Variants in DST observed in about 807,000 individuals in gnomAD.
DST encodes bullous pemphigoid antigen.
DST carries 253 observed loss-of-function variants against 875.2 expected under a neutral mutation model. That is an observed-to-expected ratio of 0.29 (90% CI 0.26 to 0.32). The LOEUF is 0.32. DST is among the 10% of genes least tolerant of loss of function. DST has a pLI of 1.00. For missense variants in DST, 8,287 were observed against 9,111.6 expected (o/e 0.91, Z 3.68); for synonymous variants, 3,124 against 3,197.1 (o/e 0.98, Z 0.77).
At chr6:56,803,256 G>A (rs1245784301) in intron 4 of DST, among the ~76,000 whole-genome samples, 1 of 152,180 alleles carries the variant, frequency 6.6e-6, no homozygotes, top group Non-Finnish European at 1.5e-5. Context: ...AATAATATTA[G>A]CCAAGTGTCT....
In DST at chr6:56,597,791, C is replaced by G; in HGVS notation, c.12144G>C (p.Gly4048=). The change falls in exon 47 of 104, where the codon GGG becomes GGC. Residue 4048 remains glycine (G), a synonymous_variant. Coordinates refer to ENST00000680361, the MANE Select transcript of DST (RefSeq NM_001374736.1). ...GATTCTCCTGAGTGGTTCCAACTTG[C>G]CCATCAACATCAGTCTCCAACAGGT... ...NGNLLETDVD[G]QVGTTQENLN... The G allele has an allele frequency of 6.2e-7, 1 of 1,613,920 alleles. No homozygotes were observed. Among genetic ancestry groups the G allele is most frequent in the East Asian group, 2.2e-5 (1 of 44,880 alleles).
chr6:56,505,957 C>A (rs2096298171), intron 77 of DST, among the ~76,000 whole-genome samples: 2 of 152,038 alleles, frequency 1.3e-5, no homozygotes, highest in Admixed American at 6.6e-5. Flanking sequence ...AGATTATGAC[C>A]TAATAGAAAT....
intron 22 of DST, among the ~76,000 whole-genome samples, chr6:56,637,839 T>C (rs1184687702): frequency 1.3e-5 from 2 of 152,180 alleles, no homozygotes; most frequent in Non-Finnish European, 1.5e-5. Context: ...AGTTCATTCC[T>C]GCTGAGCTAT....
intron 9 of DST, among the ~76,000 whole-genome samples, chr6:56,679,404 T>C (rs980960253): frequency 6.6e-6 from 1 of 151,918 alleles, no homozygotes; most frequent in African/African-American, 2.4e-5. Flanking sequence ...CTCAAAGAAA[T>C]GTGGCAATTC....
chr6:56,729,754 G>T (rs2099489437), intron 5 of DST, among the ~76,000 whole-genome samples: 1 of 152,036 alleles, frequency 6.6e-6, no homozygotes, highest in South Asian at 2.1e-4. Flanking sequence ...CTCAGCTTGA[G>T]GATTTATATT....
chr6:56,680,360 T>C (rs2099151209), intron 9 of DST, among the ~76,000 whole-genome samples: 1 of 152,196 alleles, frequency 6.6e-6, no homozygotes, highest in African/African-American at 2.4e-5. Context: ...AGTTGAAAGA[T>C]ATTGTGAGAG....
At chr6:56,750,519 C>G (rs2099584091) in intron 4 of DST, among the ~76,000 whole-genome samples, 1 of 152,150 alleles carries the variant, frequency 6.6e-6, no homozygotes, top group Non-Finnish European at 1.5e-5. Flanking sequence ...CTCAAACTTT[C>G]AAATTCCACA....
chr6:56,715,058 T>G (rs2099390186), intron 5 of DST, among the ~76,000 whole-genome samples: 1 of 152,350 alleles, frequency 6.6e-6, no homozygotes, highest in East Asian at 1.9e-4. Flanking sequence ...ATAGTAGATA[T>G]TCAAAGAACT....
intron 36 of DST, chr6:56,617,346 T>C (rs1165061401): frequency 6.2e-6 from 10 of 1,613,962 alleles, no homozygotes; most frequent in African/African-American, 1.3e-5. Flanking sequence ...TCTTCAGCAC[T>C]GGGAACTGGG....
Position 56,640,508 on chromosome 6 carries a change from T to C in DST, c.2125A>G (p.Met709Val), listed in dbSNP as rs142650835. Residue 709 changes from methionine to valine, a missense_variant, in exon 18 of 104, where the codon ATG becomes GTG. This residue lies in a region of DST where 1,160 missense variants were observed against 1,424.3 expected (regional missense o/e 0.81). Transcript: ENST00000680361. ...RILTTEQTKL[M>V]ISGITQSLNS... ...AAACTTTGAGTGATTCCTGATATCA[T>C]GAGCTTTGTCTGTTCTGTTGTCAGT... is the stretch of plus-strand genomic sequence containing the variant. The C allele has an allele frequency of 6.7e-4, 1,078 of 1,613,620 alleles. 1 individual carries two copies. The highest frequency in any genetic ancestry group is 7.8e-4 in the Admixed American group (47 of 60,028).
At chr6:56,652,820 C>CTATTTATTAT (rs2098984134) in intron 10 of DST, among the ~76,000 whole-genome samples, 2 of 152,170 alleles carry the variant, frequency 1.3e-5, no homozygotes, top group African/African-American at 4.8e-5. Flanking sequence ...AGTGACCCTA[C>CTATTTATTAT]AATTATTATA....
rs1437252280 is a variant in DST, at chr6:56,576,787, T to C, written c.13027+2027A>G. On this transcript the variant is annotated intron_variant, in intron 50 of 103. Transcript: ENST00000680361. ...TCTCCACCACTCTCTACCAGCAAGA[T>C]AGTGGCCATCTGTAAGCCAGGAAAA... is the stretch of plus-strand genomic sequence containing the variant. 3.3e-5 allele frequency among the ~76,000 whole-genome samples: 5 copies of C among 152,232 alleles called. No individual in the cohort carries two copies. In the East Asian group the frequency reaches 9.7e-4, roughly 29 times the overall value.
In DST at chr6:56,670,554, T is replaced by C. The variant is rs1322022474; in HGVS notation, c.1214+87A>G. The C allele has an allele frequency of 1.1e-5, 11 of 1,036,242 alleles. No individual in the cohort carries two copies. In the Admixed American group the frequency reaches 3.0e-4, roughly 29 times the overall value. The allele number at this position is 1,036,242 out of a possible 1,614,324, so 64.2% of individuals were successfully genotyped here. A position where few individuals can be genotyped will look rare whatever the true frequency, so the allele number is the denominator to read the frequency against. Reference sequence around the variant, plus strand: ...TAATTTTTTGCCATGCTTTTGCTTCTATAATAATAAAAGATAATTTTAAAA... The same window carrying C: ...TAATTTTTTGCCATGCTTTTGCTTCCATAATAATAAAAGATAATTTTAAAA... On this transcript the variant is annotated intron_variant, in intron 10 of 103. Coordinates refer to ENST00000680361, the MANE Select transcript of DST (RefSeq NM_001374736.1).
chr6:56,873,719 C>T (rs764397037), intron 3 of DST, among the ~76,000 whole-genome samples: 1 of 151,800 alleles, frequency 6.6e-6, no homozygotes, highest in Non-Finnish European at 1.5e-5. Flanking sequence ...GAAGGTTGGG[C>T]GGAGAGGGGA....
chr6:56,760,327 T>C (rs1421449458), intron 4 of DST, among the ~76,000 whole-genome samples: 1 of 152,218 alleles, frequency 6.6e-6, no homozygotes, highest in Non-Finnish European at 1.5e-5. Context: ...TTAATGTATC[T>C]TATTTAAAAC....
intron 2 of DST, among the ~76,000 whole-genome samples, chr6:56,927,399 T>C (rs1430381766): frequency 6.6e-6 from 1 of 152,108 alleles, no homozygotes; most frequent in Non-Finnish European, 1.5e-5. Context: ...GATCCAAAGG[T>C]TTTATAAAGC....
At chr6:56,647,158 C>T (rs1369015513) in intron 13 of DST, among the ~76,000 whole-genome samples, 1 of 152,210 alleles carries the variant, frequency 6.6e-6, no homozygotes, top group Non-Finnish European at 1.5e-5. Flanking sequence ...TGTATTTGAA[C>T]ATGAAATCTG....
At position 56,617,327 on chromosome 6, in the gene DST, A is replaced by C. The variant is rs747643497; in HGVS notation, c.4930-2843T>G. ...TCCACCAGATGCTCTGCACCCTTCA[A>C]GCATCCATTCTTCAGCACTGGGAAC... is the stretch of plus-strand genomic sequence containing the variant. On this transcript the variant is annotated intron_variant, in intron 36 of 103. Coordinates refer to ENST00000680361, the MANE Select transcript of DST (RefSeq NM_001374736.1). The C allele has an allele frequency of 2.5e-6, 4 of 1,614,042 alleles. 1 individual carries two copies. In the South Asian group the frequency reaches 4.4e-5, roughly 18 times the overall value.
rs2097400315 is a variant in DST, at chr6:56,555,552, T to C, written c.14929A>G (p.Ser4977Gly). 6.2e-7 allele frequency: 1 copy of C among 1,613,906 alleles called. No individual in the cohort carries two copies. Among genetic ancestry groups the C allele is most frequent in the Non-Finnish European group, 8.5e-7 (1 of 1,179,904 alleles). ...DNKLSSSLAV[S>G]THPDAMNQQL... is the part of the protein sequence containing the mutation. ...TGGTTCATAGCATCAGGGTGCGTGC[T>C]CACAGCCAGACTGCTGCTGAGTTTA... Residue 4977 changes from serine to glycine, a missense_variant, in exon 60 of 104, where the codon AGC becomes GGC. Physicochemically the swap from Ser to Gly is moderately conservative, Grantham distance 56 (BLOSUM62 0). Around this residue, in one of 10 missense-constraint regions of DST, gnomAD observed 1,513 missense variants for 1,677.8 expected, o/e 0.90. Transcript: ENST00000680361.
Sources: allele counts gnomAD v4.1 joint callset (sites outside exome capture counted in the v4.1 genomes callset), GRCh38; gene constraint gnomAD v4.1.1; regional missense constraint gnomAD v4.1.1; transcripts MANE v1.5; gene names NCBI Gene and HGNC (gene_info 2026-07-23, HGNC 2026-07-21).